Variants in ZSCAN1 observed in about 807,000 individuals in gnomAD.
The protein encoded by ZSCAN1 is zinc finger and SCAN domain containing 1, also known as zinc finger and SCAN domain-containing protein 1.
ZSCAN1 carries 23 observed loss-of-function variants against 23.8 expected under a neutral mutation model. The ratio of observed to expected loss-of-function variants is 0.97; its 90% CI spans 0.70 to 1.37. ZSCAN1 has a LOEUF of 1.37. Among genes scored for constraint, ZSCAN1 ranks in the 40% most tolerant of loss-of-function variants. The pLI, the probability that ZSCAN1 is intolerant of heterozygous loss-of-function variation, is 0.00. For synonymous variants in ZSCAN1, 236 were observed against 232.3 expected (o/e 1.02, Z -0.15); for missense variants, 575 against 554.0 (o/e 1.04, Z -0.38).
intron 4 of ZSCAN1, chr19:58,044,620 C>A: frequency 9.4e-7 from 1 of 1,060,102 alleles, no homozygotes; most frequent in Non-Finnish European, 1.4e-6. Flanking sequence ...GCTGCCGCGG[C>A]TGGGCGCCCG....
rs1392883281 is a variant in ZSCAN1, at chr19:58,035,985, G to A, written c.-136G>A. Reference sequence around the variant, plus strand: ...GTTGATGAAGGTCACATGGGAGCCCGACACCATTTGGAGGAGATTCAGAGA... The same window carrying A: ...GTTGATGAAGGTCACATGGGAGCCCAACACCATTTGGAGGAGATTCAGAGA... On this transcript the variant is annotated 5_prime_UTR_variant, in exon 2 of 6. Transcript: ENST00000282326. 1.3e-5 allele frequency: 2 copies of A among 152,144 alleles called. No homozygotes were observed. The highest frequency in any genetic ancestry group is 2.9e-5 in the Non-Finnish European group (2 of 68,026). The allele number at this position is 152,144 out of a possible 1,614,324, so 9.4% of individuals were successfully genotyped here.
rs758632191 is a variant in ZSCAN1 at position 58,045,289 on chromosome 19, T to C, written c.465+4745T>C. 6.3e-6 allele frequency: 5 copies of C among 791,098 alleles called. No individual in the cohort carries two copies. The highest frequency in any genetic ancestry group is 1.2e-5 in the Non-Finnish European group (5 of 428,620). The allele number at this position is 791,098 out of a possible 1,614,324, so 49.0% of individuals were successfully genotyped here. ...GTTGCTGTGAAACTCTTCCCCAACA[T>C]GTTGCCATCCACATCCGAGACTCAG... On this transcript the variant is annotated intron_variant, in intron 4 of 5. Transcript: ENST00000282326. This position sits in a 1 kb window ranked among gnomAD's most constrained non-coding sequence, Gnocchi z 4.3.
At position 58,038,065 on chromosome 19, in the gene ZSCAN1, A is replaced by G; in HGVS notation, c.229A>G (p.Met77Val). 1.2e-6 allele frequency: 2 copies of G among 1,611,952 alleles called. No homozygotes were observed. Among genetic ancestry groups the G allele is most frequent in the Non-Finnish European group, 1.7e-6 (2 of 1,179,816 alleles). The change falls in exon 3 of 6, where the codon ATG (methionine) becomes GTG (valine). Residue 77 changes from methionine to valine, a missense_variant. Physicochemically the swap from Met to Val is conservative, Grantham distance 21. Transcript: ENST00000282326. Reference protein sequence around the residue: ...LRPEARSKEQMLELLVLEQFL... With the variant: ...LRPEARSKEQVLELLVLEQFL... ...GCCCGAGGCGCGCTCCAAGGAGCAGATGCTGGAGCTGCTGGTGCTGGAGCA... is the reference window on the plus strand; with the variant it reads ...GCCCGAGGCGCGCTCCAAGGAGCAGGTGCTGGAGCTGCTGGTGCTGGAGCA...
Position 58,053,641 on chromosome 19 carries a change from C to G in ZSCAN1, c.817C>G (p.Gln273Glu). ...CCTCAAGCACACCAAAGGTGGTACC[C>G]AAGAGGCTGTTGCAGGCATCTCGGT... ...PSLKHTKGGT[Q>E]EAVAGISVVP... Residue 273 changes from glutamine (Q) to glutamate (E), a missense_variant, in exon 6 of 6, where the codon CAA becomes GAA. Gln to Glu is a conservative substitution (Grantham distance 29, BLOSUM62 2). Transcript: ENST00000282326. This position sits in a 1 kb window ranked among gnomAD's most constrained non-coding sequence, Gnocchi z 5.8. The G allele has an allele frequency of 6.2e-7, 1 of 1,614,150 alleles. No individual in the cohort carries two copies. The highest frequency in any genetic ancestry group is 2.2e-5 in the East Asian group (1 of 44,880).
chr19:58,043,900 C>A (rs2073806315), intron 4 of ZSCAN1, among the ~76,000 whole-genome samples: 1 of 151,988 alleles, frequency 6.6e-6, no homozygotes, highest in Admixed American at 6.5e-5. Context: ...CTCCTAGGCT[C>A]AAGCGATCCT....
chr19:58,043,552 T>C (rs1028346356), intron 4 of ZSCAN1, among the ~76,000 whole-genome samples: 3 of 152,252 alleles, frequency 2.0e-5, no homozygotes, highest in Non-Finnish European at 4.4e-5. Context: ...GAGGTTATTG[T>C]GCTGTGGACT....
intron 4 of ZSCAN1, among the ~76,000 whole-genome samples, chr19:58,051,436 G>C (rs2073857962): frequency 6.6e-6 from 1 of 151,924 alleles, no homozygotes; most frequent in African/African-American, 2.4e-5. Flanking sequence ...GAAGAATCTT[G>C]TGCCTTAACT....
chr19:58,051,445 C>G (rs1725018335), intron 4 of ZSCAN1, among the ~76,000 whole-genome samples: 1 of 152,184 alleles, frequency 6.6e-6, no homozygotes. Context: ...TGTGCCTTAA[C>G]TCCCTTCCTG....
chr19:58,046,242 G>A (rs73938594), intron 4 of ZSCAN1: 5 of 774,290 alleles, frequency 6.5e-6, no homozygotes, highest in Non-Finnish European at 2.4e-6. Flanking sequence ...AACAGAAGAA[G>A]TCACTCACCA....
chr19:58,045,223 T>G lies in ZSCAN1; in HGVS notation c.465+4679T>G. ...GACCTCTTCCGCCTGGTGCCGTTCCTCCTGTTCGTGGTGGTGCCGTTCGTG... is the reference window on the plus strand; with the variant it reads ...GACCTCTTCCGCCTGGTGCCGTTCCGCCTGTTCGTGGTGGTGCCGTTCGTG... On this transcript the variant is annotated intron_variant, in intron 4 of 5. Coordinates refer to ENST00000282326, the MANE Select transcript of ZSCAN1 (RefSeq NM_182572.4). The surrounding 1 kb of genome is among the most constrained non-coding windows in gnomAD (Gnocchi z 4.3). 1 of 830,372 alleles carries G rather than the reference T, an allele frequency of 1.2e-6. No homozygotes were observed. The highest frequency in any genetic ancestry group is 2.1e-6 in the Non-Finnish European group (1 of 465,294). The allele number at this position is 830,372 out of a possible 1,614,324, so 51.4% of individuals were successfully genotyped here.
At chr19:58,050,657 A>G (rs1205897969) in intron 4 of ZSCAN1, among the ~76,000 whole-genome samples, 2 of 151,738 alleles carry the variant, frequency 1.3e-5, no homozygotes, top group African/African-American at 4.8e-5. Context: ...AGTAGCTGGG[A>G]CTACAGGTGC....
At position 58,053,509 on chromosome 19, in the gene ZSCAN1, C is replaced by G; in HGVS notation, c.685C>G (p.Arg229Gly). The G allele has an allele frequency of 1.2e-6, 2 of 1,614,110 alleles. No homozygotes were observed. The highest frequency in any genetic ancestry group is 1.7e-6 in the Non-Finnish European group (2 of 1,180,028). ...TCTCGCAGGGCCCTCCTCAGACCTGCGGGCAGAAGGGACTGTGATCTCGAG... is the reference window on the plus strand; with the variant it reads ...TCTCGCAGGGCCCTCCTCAGACCTGGGGGCAGAAGGGACTGTGATCTCGAG... ...DLLAGPSSDL[R>G]AEGTVISSPK... is the part of the protein sequence containing the mutation. Residue 229 changes from arginine (R) to glycine (G), a missense_variant, in exon 6 of 6, where the codon CGG becomes GGG. Coordinates refer to ENST00000282326, the MANE Select transcript of ZSCAN1 (RefSeq NM_182572.4). This position sits in a 1 kb window ranked among gnomAD's most constrained non-coding sequence, Gnocchi z 5.8.
chr19:58,045,703 C>T lies in ZSCAN1; in HGVS notation c.465+5159C>T, dbSNP rs537865886. On this transcript the variant is annotated intron_variant, in intron 4 of 5. Transcript: ENST00000282326. The surrounding 1 kb of genome is among the most constrained non-coding windows in gnomAD (Gnocchi z 4.3). ...CGTCAAGGAGCTGCAGGCGGCATGTCGGGCACGAGGCATGCGGGCCCTGGG... is the reference window on the plus strand; with the variant it reads ...CGTCAAGGAGCTGCAGGCGGCATGTTGGGCACGAGGCATGCGGGCCCTGGG... The T allele has an allele frequency of 1.3e-5, 13 of 979,470 alleles. No individual in the cohort carries two copies. Among genetic ancestry groups the T allele is most frequent in the Non-Finnish European group, 2.0e-5 (12 of 605,636 alleles). The allele number at this position is 979,470 out of a possible 1,614,324, so 60.7% of individuals were successfully genotyped here. A position where few individuals can be genotyped will look rare whatever the true frequency, so the allele number is the denominator to read the frequency against.
chr19:58,037,944 CCAGCGTCTGCGCTTCCGG>C lies in ZSCAN1; in HGVS notation c.112_129del (p.Arg38_Gln43del). ...CAGCAAGCCCCAGGGACACCGAAGC[CCAGCGTCTGCGCTTCCGG>C]CAGTTCCAGTACCACGTGGCGAGCG... is the stretch of plus-strand genomic sequence containing the variant. On this transcript the variant is annotated inframe_deletion, in exon 3 of 6. Coordinates refer to ENST00000282326, the MANE Select transcript of ZSCAN1 (RefSeq NM_182572.4). The C allele has an allele frequency of 6.2e-7, 1 of 1,603,908 alleles. No homozygotes were observed. Among genetic ancestry groups the C allele is most frequent in the South Asian group, 1.1e-5 (1 of 91,004 alleles).
Position 58,053,935 on chromosome 19 carries a change from G to C in ZSCAN1, c.1111G>C (p.Val371Leu), listed in dbSNP as rs769247510. ...VPPRDGAQGPVAPRSPKRPFQ... is the reference protein window; with the variant it reads ...VPPRDGAQGPLAPRSPKRPFQ... ...ACCCAGGGATGGAGCCCAGGGCCCA[G>C]TGGCCCCTCGCAGCCCCAAAAGACC... Residue 371 changes from valine to leucine, a missense_variant, in exon 6 of 6, where the codon GTG (valine) becomes CTG (leucine). Physicochemically the swap from Val to Leu is conservative, Grantham distance 32. Transcript: ENST00000282326. The surrounding 1 kb of genome is among the most constrained non-coding windows in gnomAD (Gnocchi z 5.8). The C allele has an allele frequency of 3.7e-6, 6 of 1,612,308 alleles. No individual in the cohort carries two copies. In the South Asian group the frequency reaches 5.5e-5, roughly 15 times the overall value.
At chr19:58,043,550 T>G (rs1257684885) in intron 4 of ZSCAN1, among the ~76,000 whole-genome samples, 1 of 152,226 alleles carries the variant, frequency 6.6e-6, no homozygotes, top group African/African-American at 2.4e-5. Flanking sequence ...GGGAGGTTAT[T>G]GTGCTGTGGA....
chr19:58,042,576 C>A (rs555777472), intron 4 of ZSCAN1, among the ~76,000 whole-genome samples: 1 of 152,262 alleles, frequency 6.6e-6, no homozygotes, highest in East Asian at 1.9e-4. Context: ...TCATGAGAGC[C>A]CCTCTCCTGC....
At chr19:58,054,987 T>C (rs751306788), downstream of ZSCAN1, among the ~76,000 whole-genome samples, 2 of 152,114 alleles carry the variant, frequency 1.3e-5, no homozygotes, top group Non-Finnish European at 2.9e-5. The surrounding 1 kb of genome is among the most constrained non-coding windows in gnomAD (Gnocchi z 4.2). Context: ...GGGCAGGCGG[T>C]GACGTCACAG....
chr19:58,053,528 T>C lies in ZSCAN1; in HGVS notation c.704T>C (p.Ile235Thr). Reference protein sequence around the residue: ...SSDLRAEGTVISSPKGPSAQR... With the variant: ...SSDLRAEGTVTSSPKGPSAQR... ...GACCTGCGGGCAGAAGGGACTGTGA[T>C]CTCGAGCCCCAAGGGTCCAAGTGCT... The change falls in exon 6 of 6, where the codon ATC becomes ACC. Residue 235 changes from isoleucine (I) to threonine (T), a missense_variant. Coordinates refer to ENST00000282326, the MANE Select transcript of ZSCAN1 (RefSeq NM_182572.4). The surrounding 1 kb of genome is among the most constrained non-coding windows in gnomAD (Gnocchi z 5.8). 1.9e-6 allele frequency: 3 copies of C among 1,614,058 alleles called. No individual in the cohort carries two copies. The highest frequency in any genetic ancestry group is 2.5e-6 in the Non-Finnish European group (3 of 1,179,992).
Sources: gnomAD v4.1 joint callset for allele counts (sites outside exome capture counted in the v4.1 genomes callset) on GRCh38, gnomAD v4.1.1 for gene constraint, Gnocchi (gnomAD v3.1) non-coding constraint, MANE v1.5 for transcripts, NCBI Gene and HGNC (gene_info 2026-07-23, HGNC 2026-07-21) for gene names.